CHCHD2: variants seen among roughly 807,000 people sequenced by gnomAD.
CHCHD2 encodes coiled-coil-helix-coiled-coil-helix domain containing 2.
A neutral mutation model predicts 17.5 loss-of-function variants in CHCHD2; 17 were observed. That is an observed-to-expected ratio of 0.97 (90% CI 0.67 to 1.46). The LOEUF (loss-of-function observed/expected upper bound fraction) is 1.46, where lower values mean the gene tolerates loss of function less well. CHCHD2 is among the 40% of genes most tolerant of loss of function. The pLI is 0.00. For synonymous variants in CHCHD2, 63 were observed against 74.3 expected (o/e 0.85, Z 0.78); for missense variants, 175 against 199.9 (o/e 0.88, Z 0.75).
rs773003089 is a variant in CHCHD2, at chr7:56,101,815, A to G, written c.*36T>C. ...TATACTAAATTAACTTAGTTATGAG[A>G]GCTGATTTTCCATCTCTCCAGGTTG... On this transcript the variant is annotated 3_prime_UTR_variant, in exon 4 of 4. Coordinates refer to ENST00000395422, the MANE Select transcript of CHCHD2 (RefSeq NM_016139.4). 2 of 1,593,338 alleles carry G rather than the reference A, an allele frequency of 1.3e-6. No individual in the cohort carries two copies. The highest frequency in any genetic ancestry group is 1.7e-6 in the Non-Finnish European group (2 of 1,163,618).
In CHCHD2 at chr7:56,101,654, A is replaced by G. The variant is rs1329320029; in HGVS notation, c.*197T>C. 9.7e-6 allele frequency: 5 copies of G among 517,694 alleles called. No individual in the cohort carries two copies. The highest frequency in any genetic ancestry group is 3.9e-5 in the African/African-American group (2 of 50,800). The allele number at this position is 517,694 out of a possible 1,614,324, so 32.1% of individuals were successfully genotyped here. Reference sequence around the variant, plus strand: ...CAGCTAGTTTAAGGAGGCCACACAAACATTTGCCCAGTCCCAGATTCTACA... The same window carrying G: ...CAGCTAGTTTAAGGAGGCCACACAAGCATTTGCCCAGTCCCAGATTCTACA... On this transcript the variant is annotated 3_prime_UTR_variant, in exon 4 of 4. Transcript: ENST00000395422.
At chr7:56,104,967 G>C (rs918236442) in intron 1 of CHCHD2, among the ~76,000 whole-genome samples, 40 of 145,550 alleles carry the variant, frequency 2.7e-4, no homozygotes, top group African/African-American at 1.0e-3. Flanking sequence ...CTGGAGTGCA[G>C]TGTCACGATC....
chr7:56,104,154 A>T lies in CHCHD2; in HGVS notation c.300+72T>A, dbSNP rs1432950907. The T allele has an allele frequency of 3.2e-6, 5 of 1,573,920 alleles. No homozygotes were observed. In the African/African-American group the frequency reaches 6.7e-5, roughly 21 times the overall value. ...AAAATCAAAGACAATTCCTACACTT[A>T]AGGAACTTACAAACGTCTGGCTTTT... On this transcript the variant is annotated intron_variant, in intron 2 of 3. Coordinates refer to ENST00000395422, the MANE Select transcript of CHCHD2 (RefSeq NM_016139.4).
At position 56,106,469 on chromosome 7, in the gene CHCHD2, C is replaced by A. The variant is rs1785389706; in HGVS notation, c.-56G>T. 2.5e-6 allele frequency: 4 copies of A among 1,573,704 alleles called. No individual in the cohort carries two copies. Among genetic ancestry groups the A allele is most frequent in the Non-Finnish European group, 3.5e-6 (4 of 1,144,328 alleles). Reference sequence around the variant, plus strand: ...GTGGGACAACCACCGAAGAGCTAAGCGACTTCTGAGGAGACCGGAAGATGG... The same window carrying A: ...GTGGGACAACCACCGAAGAGCTAAGAGACTTCTGAGGAGACCGGAAGATGG... On this transcript the variant is annotated 5_prime_UTR_variant, in exon 1 of 4. Transcript: ENST00000395422.
chr7:56,105,998 C>A (rs956843634), intron 1 of CHCHD2, among the ~76,000 whole-genome samples: 3 of 152,188 alleles, frequency 2.0e-5, no homozygotes, highest in African/African-American at 7.2e-5. Context: ...TAACAAAAGA[C>A]TAATTATGTC....
Position 56,106,461 on chromosome 7 carries a change from G to A in CHCHD2, c.-48C>T, listed in dbSNP as rs572601459. On this transcript the variant is annotated 5_prime_UTR_variant, in exon 1 of 4. Transcript: ENST00000395422. ...CTCCGGACGTGGGACAACCACCGAAGAGCTAAGCGACTTCTGAGGAGACCG... is the reference window on the plus strand; with the variant it reads ...CTCCGGACGTGGGACAACCACCGAAAAGCTAAGCGACTTCTGAGGAGACCG... The A allele has an allele frequency of 2.5e-5, 40 of 1,590,968 alleles. No homozygotes were observed. The South Asian group carries it at 3.6e-4, about 14-fold the overall frequency.
rs1785316803 is a variant in CHCHD2, at chr7:56,102,961, C to G, written c.351G>C (p.Glu117Asp). The change falls in exon 3 of 4, where the codon GAG becomes GAC. Residue 117 changes from glutamate (E) to aspartate (D), a missense_variant. By Grantham distance (45) the Glu-to-Asp change is conservative (BLOSUM62 2). Transcript: ENST00000395422. ...GGGCACACTCCAGAAACTGTTTGAT[C>G]TCATAGAGGCAAGGCTGCTGCTGCT... is the stretch of plus-strand genomic sequence containing the variant. ...PAQQQQPCLY[E>D]IKQFLECAQN... 1 of 1,614,068 alleles carries G rather than the reference C, an allele frequency of 6.2e-7. No homozygotes were observed. Among genetic ancestry groups the G allele is most frequent in the African/African-American group, 1.3e-5 (1 of 74,938 alleles).
intron 1 of CHCHD2, among the ~76,000 whole-genome samples, chr7:56,105,544 G>T: frequency 6.6e-6 from 1 of 152,202 alleles, no homozygotes. Flanking sequence ...GGGAAGTGGA[G>T]GCGAAAGGAT....
intron 2 of CHCHD2, among the ~76,000 whole-genome samples, 188 bp downstream of exon 2, chr7:56,104,038 T>C (rs187554235): frequency 8.3e-4 from 127 of 152,358 alleles, no homozygotes; most frequent in African/African-American, 3.0e-3. Context: ...ACACAATTTG[T>C]ACAGTACTTG....
chr7:56,102,218 G>T (rs934044718), intron 3 of CHCHD2, among the ~76,000 whole-genome samples: 1 of 152,122 alleles, frequency 6.6e-6, no homozygotes, highest in Non-Finnish European at 1.5e-5. Context: ...CAGATACCAG[G>T]TATCAGTCTT....
intron 2 of CHCHD2, among the ~76,000 whole-genome samples, chr7:56,103,448 AAAG>A (rs925544743): frequency 9.2e-5 from 14 of 152,272 alleles, no homozygotes; most frequent in African/African-American, 3.1e-4. Context: ...CACCTCCAAA[AAAG>A]AAGAATTTAA....
At position 56,102,868 on chromosome 7, in the gene CHCHD2, G is replaced by A. The variant is rs758536733; in HGVS notation, c.444C>T (p.Asn148=). Residue 148 remains asparagine (N), a splice_region_variant and synonymous_variant, in exon 3 of 4, where the codon AAC becomes AAT. Coordinates refer to ENST00000395422, the MANE Select transcript of CHCHD2 (RefSeq NM_016139.4). ...ATGTAAATTGGACAAATTACCTACC[G>A]TTTGCAAGTCGGCACTGTTTCAGCA... The part of the protein sequence containing the change: ...NEVLKQCRLA[N]GLA 3.1e-6 allele frequency: 5 copies of A among 1,613,878 alleles called. No homozygotes were observed. The highest frequency in any genetic ancestry group is 1.7e-4 in the Middle Eastern group (1 of 6,054).
At position 56,104,441 on chromosome 7, in the gene CHCHD2, C is replaced by T; in HGVS notation, c.85G>A (p.Ala29Thr). The T allele has an allele frequency of 6.2e-7, 1 of 1,608,328 alleles. No homozygotes were observed. Among genetic ancestry groups the T allele is most frequent in the Non-Finnish European group, 8.5e-7 (1 of 1,177,412 alleles). Residue 29 changes from alanine to threonine, a missense_variant, in exon 2 of 4, where the codon GCA becomes ACA. By Grantham distance (58) the Ala-to-Thr change is moderately conservative. Coordinates refer to ENST00000395422, the MANE Select transcript of CHCHD2 (RefSeq NM_016139.4). ...APQMRAAPRP[A>T]PVAQPPAAAP... ...GCTGCTGGTGGCTGAGCGACTGGTGCTGGCCTGGGTGCAGCTCTCATCTGA... is the reference window on the plus strand; with the variant it reads ...GCTGCTGGTGGCTGAGCGACTGGTGTTGGCCTGGGTGCAGCTCTCATCTGA...
rs752169833 is a variant in CHCHD2 at position 56,102,878 on chromosome 7, C to A, written c.434G>T (p.Arg145Leu). The change falls in exon 3 of 4, where the codon CGA becomes CTA. Residue 145 changes from arginine to leucine, a missense_variant. By Grantham distance (102) the Arg-to-Leu change is moderately radical. Coordinates refer to ENST00000395422, the MANE Select transcript of CHCHD2 (RefSeq NM_016139.4). Reference protein sequence around the residue: ...EGFNEVLKQCRLANGLA With the variant: ...EGFNEVLKQCLLANGLA ...GACAAATTACCTACCGTTTGCAAGT[C>A]GGCACTGTTTCAGCACCTCATTGAA... 1.5e-5 allele frequency: 24 copies of A among 1,613,750 alleles called. No individual in the cohort carries two copies. The highest frequency in any genetic ancestry group is 2.0e-5 in the Non-Finnish European group (24 of 1,179,858).
chr7:56,102,838 A>G (rs1252384336), intron 3 of CHCHD2, 29 bp downstream of exon 3: 2 of 1,612,280 alleles, frequency 1.2e-6, no homozygotes, highest in Admixed American at 3.3e-5. Flanking sequence ...CTGTGAATTA[A>G]GCAGATGTAA....
chr7:56,103,808 C>T (rs544576768), intron 2 of CHCHD2, among the ~76,000 whole-genome samples: 1 of 152,204 alleles, frequency 6.6e-6, no homozygotes, highest in Non-Finnish European at 1.5e-5. Flanking sequence ...AGAGTATACA[C>T]ACCTATGCTC....
chr7:56,105,168 C>T (rs999413455), intron 1 of CHCHD2, among the ~76,000 whole-genome samples: 2 of 152,338 alleles, frequency 1.3e-5, no homozygotes, highest in South Asian at 4.1e-4. Context: ...GCCTCGACCT[C>T]CCAAAGTGTT....
At chr7:56,104,756 C>G (rs192823829) in intron 1 of CHCHD2, among the ~76,000 whole-genome samples, 1 of 151,872 alleles carries the variant, frequency 6.6e-6, no homozygotes, top group African/African-American at 2.4e-5. Context: ...TACAGGCACC[C>G]GCGACCACCT....
Position 56,104,387 on chromosome 7 carries a change from C to T in CHCHD2, c.139G>A (p.Ala47Thr). The change falls in exon 2 of 4, where the codon GCT becomes ACT. Residue 47 changes from alanine (A) to threonine (T), a missense_variant. By Grantham distance (58) the Ala-to-Thr change is moderately conservative (BLOSUM62 0). Transcript: ENST00000395422. ...AGACCTGGCTGCCGGGGCGCAGCAG[C>T]AGAAGAGCCAACTGCAGATGGGGGT... ...AAPPSAVGSS[A>T]AAPRQPGLMA... 6.2e-7 allele frequency: 1 copy of T among 1,611,880 alleles called. No homozygotes were observed. Among genetic ancestry groups the T allele is most frequent in the Middle Eastern group, 2.0e-4 (1 of 5,100 alleles).
Sources: allele counts gnomAD v4.1 joint callset (sites outside exome capture counted in the v4.1 genomes callset), GRCh38; gene constraint gnomAD v4.1.1; transcripts MANE v1.5; gene names NCBI Gene and HGNC (gene_info 2026-07-23, HGNC 2026-07-21).